PTPRK: variants seen among roughly 807,000 people sequenced by gnomAD.
PTPRK encodes the protein receptor-type tyrosine-protein phosphatase kappa.
PTPRK carries 75 observed loss-of-function variants against 178.0 expected under a neutral mutation model. The ratio of observed to expected loss-of-function variants is 0.42; its 90% CI spans 0.35 to 0.51. The LOEUF is 0.51. Ranked by LOEUF, PTPRK falls within the 20% of genes least tolerant of loss-of-function variation. The probability of loss-of-function intolerance (pLI) is 0.02; values close to 1 mark genes in which losing one functional copy is unlikely to be tolerated. For missense variants in PTPRK, 1,441 were observed against 1,797.8 expected (o/e 0.80, Z 3.59); for synonymous variants, 637 against 620.6 (o/e 1.03, Z -0.39).
chr6:128,210,364 G>A (rs900907461), intron 6 of PTPRK, among the ~76,000 whole-genome samples: 6 of 105,202 alleles, frequency 5.7e-5, no homozygotes, highest in East Asian at 2.1e-4. Context: ...AAATAACTCC[G>A]GAGGAAAAAA....
intron 6 of PTPRK, among the ~76,000 whole-genome samples, chr6:128,193,536 G>C (rs1804275905): frequency 6.6e-6 from 1 of 151,880 alleles, no homozygotes; most frequent in Middle Eastern, 3.2e-3. Flanking sequence ...AGAAAATTCT[G>C]ATGCTAAATA....
Position 128,405,075 on chromosome 6 carries a change from C to T in PTPRK, c.101-7387G>A, listed in dbSNP as rs117025215. On this transcript the variant is annotated intron_variant, in intron 1 of 29. Coordinates refer to ENST00000368226, the MANE Select transcript of PTPRK (RefSeq NM_002844.4). ...AACTTTGAACCATATAATATATCAA[C>T]GTCTCTCAGGCATCCCTGATATCAC... Among the ~76,000 whole-genome samples, 1,155 of 152,246 alleles carry T rather than the reference C, an allele frequency of 7.6e-3. 3 individuals carry two copies. The highest frequency in any genetic ancestry group is 9.2e-3 in the Non-Finnish European group (623 of 68,016).
chr6:128,164,537 T>C (rs1386821722), intron 7 of PTPRK, among the ~76,000 whole-genome samples: 1 of 151,346 alleles, frequency 6.6e-6, no homozygotes. Context: ...AACTAAACAA[T>C]ATGAGTTTGC....
chr6:128,146,434 G>GTGTTTA lies in PTPRK; in HGVS notation c.1162+37997_1162+37998insTAAACA, dbSNP rs1410681760. Among the ~76,000 whole-genome samples the GTGTTTA allele has an allele frequency of 3.3e-5, 5 of 151,152 alleles. No homozygotes were observed. In the South Asian group the frequency reaches 8.4e-4, roughly 25 times the overall value. ...TGTGTGTGTGTGTTTATGTGTGTGTGTGTGTGTGTGTGTGTGTGTGTGTGT... is the reference window on the plus strand; with the variant it reads ...TGTGTGTGTGTGTTTATGTGTGTGTGTGTTTATGTGTGTGTGTGTGTGTGTGTGTGT... On this transcript the variant is annotated intron_variant, in intron 7 of 29. Transcript: ENST00000368226.
intron 10 of PTPRK, among the ~76,000 whole-genome samples, chr6:128,081,302 A>T (rs936026792): frequency 6.6e-6 from 1 of 152,052 alleles, no homozygotes; most frequent in African/African-American, 2.4e-5. Context: ...TTATAATATA[A>T]TGGATGATAC....
At chr6:128,371,770 G>A (rs1455135077) in intron 2 of PTPRK, among the ~76,000 whole-genome samples, 3 of 152,066 alleles carry the variant, frequency 2.0e-5, no homozygotes, top group African/African-American at 7.2e-5. Flanking sequence ...AGCTACTGGG[G>A]GAAGGGGAGG....
chr6:128,265,768 T>C (rs1013104882), intron 3 of PTPRK, among the ~76,000 whole-genome samples: 1 of 152,188 alleles, frequency 6.6e-6, no homozygotes, highest in Non-Finnish European at 1.5e-5. Context: ...TTTAGAGACA[T>C]TAAAAATTTA....
chr6:128,111,138 A>G (rs1042864243), intron 7 of PTPRK, among the ~76,000 whole-genome samples: 1 of 152,218 alleles, frequency 6.6e-6, no homozygotes, highest in Non-Finnish European at 1.5e-5. Flanking sequence ...CACTGCTATA[A>G]CCAAATATGA....
intron 3 of PTPRK, among the ~76,000 whole-genome samples, chr6:128,296,885 A>T (rs1824520554): frequency 6.6e-6 from 1 of 152,060 alleles, no homozygotes; most frequent in Non-Finnish European, 1.5e-5. Context: ...TATTAACTTT[A>T]AATGTAAATG....
chr6:128,346,134 T>C (rs1415628446), intron 2 of PTPRK, among the ~76,000 whole-genome samples: 1 of 152,134 alleles, frequency 6.6e-6, no homozygotes, highest in Non-Finnish European at 1.5e-5. Flanking sequence ...AAGGATATTA[T>C]ATTACTGATG....
chr6:128,328,232 C>T (rs1829826297), intron 2 of PTPRK, among the ~76,000 whole-genome samples: 1 of 152,102 alleles, frequency 6.6e-6, no homozygotes, highest in Admixed American at 6.5e-5. Flanking sequence ...AAAGCAGAAC[C>T]GCTTAAAGGG....
intron 1 of PTPRK, among the ~76,000 whole-genome samples, chr6:128,479,060 C>T (rs749222958): frequency 6.6e-6 from 1 of 151,988 alleles, no homozygotes; most frequent in Non-Finnish European, 1.5e-5. Flanking sequence ...AATAAAGCCT[C>T]AGCAAACACT....
intron 3 of PTPRK, among the ~76,000 whole-genome samples, chr6:128,275,525 C>T (rs1404845399): frequency 6.6e-6 from 1 of 151,942 alleles, no homozygotes; most frequent in East Asian, 1.9e-4. Context: ...TAATCAATTG[C>T]TAACTGAAGA....
At chr6:128,031,212 T>C (rs1010574211) in intron 13 of PTPRK, among the ~76,000 whole-genome samples, 2 of 152,182 alleles carry the variant, frequency 1.3e-5, no homozygotes, top group African/African-American at 4.8e-5. Flanking sequence ...AAATCACTCA[T>C]TCAAGTGCAT....
At chr6:128,177,111 C>A (rs981686666) in intron 7 of PTPRK, among the ~76,000 whole-genome samples, 2 of 151,626 alleles carry the variant, frequency 1.3e-5, no homozygotes, top group African/African-American at 2.4e-5. Flanking sequence ...CCCAATAGCA[C>A]CATCAAAGAA....
chr6:128,205,671 G>A (rs897574760), intron 6 of PTPRK, among the ~76,000 whole-genome samples: 5 of 150,690 alleles, frequency 3.3e-5, no homozygotes, highest in African/African-American at 1.2e-4. Context: ...CTTGAGAGGT[G>A]GAGGCAGGAG....
intron 1 of PTPRK, among the ~76,000 whole-genome samples, chr6:128,457,281 G>A (rs1848516161): frequency 6.6e-6 from 1 of 151,956 alleles, no homozygotes; most frequent in Admixed American, 6.6e-5. Context: ...CAAACAGGAA[G>A]GTTTACCATA....
chr6:128,006,059 G>A (rs1181258012), intron 14 of PTPRK: 2 of 1,564,704 alleles, frequency 1.3e-6, no homozygotes, highest in Non-Finnish European at 1.7e-6. Flanking sequence ...GCTCCTCCTG[G>A]CAAGCAAATC....
chr6:128,182,346 C>T (rs972472664), intron 7 of PTPRK, among the ~76,000 whole-genome samples: 25 of 152,004 alleles, frequency 1.6e-4, no homozygotes, highest in Admixed American at 5.2e-4. Context: ...TAGGCCGAGG[C>T]GGGCAGATCA....
Sources: allele counts gnomAD v4.1 joint callset (sites outside exome capture counted in the v4.1 genomes callset), GRCh38; gene constraint gnomAD v4.1.1; transcripts MANE v1.5; gene names NCBI Gene and HGNC (gene_info 2026-07-23, HGNC 2026-07-21).